Variants in CNOT6 observed in about 807,000 individuals in gnomAD.
The protein encoded by CNOT6 is CCR4-NOT transcription complex subunit 6.
Under a neutral mutation model 61.2 loss-of-function variants are expected in CNOT6, and 12 were observed. The ratio of observed to expected loss-of-function variants is 0.20; its 90% confidence interval spans 0.13 to 0.32. The LOEUF (loss-of-function observed/expected upper bound fraction) is 0.32, where lower values mean the gene tolerates loss of function less well. CNOT6 is among the 10% of genes least tolerant of loss of function. The pLI, the probability that CNOT6 is intolerant of heterozygous loss-of-function variation, is 1.00. For missense variants in CNOT6, 405 were observed against 663.9 expected (o/e 0.61, Z 4.28); for synonymous variants, 225 against 240.6 (o/e 0.94, Z 0.60).
intron 2 of CNOT6, among the ~76,000 whole-genome samples, chr5:180,542,145 C>G (rs1759080194): frequency 1.3e-5 from 2 of 152,128 alleles, no homozygotes; most frequent in African/African-American, 4.8e-5. Flanking sequence ...CTCTTTTAAG[C>G]AGTGTGATAA....
At chr5:180,500,011 A>G (rs1355902737) in intron 1 of CNOT6, among the ~76,000 whole-genome samples, 1 of 152,224 alleles carries the variant, frequency 6.6e-6, no homozygotes, top group South Asian at 2.1e-4. Flanking sequence ...AGAATAGCAC[A>G]TAAATAAACA....
intron 1 of CNOT6, among the ~76,000 whole-genome samples, chr5:180,526,492 C>G (rs1387908346): frequency 2.6e-5 from 4 of 152,152 alleles, no homozygotes; most frequent in Admixed American, 6.5e-5. Flanking sequence ...TTCTGTTTCA[C>G]TGCGAAAGTC....
chr5:180,506,204 T>G (rs1757126237), intron 1 of CNOT6, among the ~76,000 whole-genome samples: 1 of 152,196 alleles, frequency 6.6e-6, no homozygotes, highest in South Asian at 2.1e-4. Flanking sequence ...GGGTCTCAGT[T>G]TCGTCTTCTA....
At chr5:180,505,382 A>C (rs1298650184) in intron 1 of CNOT6, among the ~76,000 whole-genome samples, 1,211 of 111,606 alleles carry the variant, frequency 0.011, 11 homozygotes, top group African/African-American at 0.039. Context: ...CAGCCTCCCG[A>C]GTAGCTGGGA....
chr5:180,559,350 A>C (rs1240014790), intron 4 of CNOT6, among the ~76,000 whole-genome samples: 4 of 152,226 alleles, frequency 2.6e-5, no homozygotes, highest in African/African-American at 7.2e-5. Context: ...CTTTATTATT[A>C]CATAATGTTA....
chr5:180,533,262 A>T (rs1758480049), intron 2 of CNOT6, among the ~76,000 whole-genome samples: 1 of 149,916 alleles, frequency 6.7e-6, no homozygotes, highest in African/African-American at 2.5e-5. Context: ...GCACTCTAAC[A>T]TTATAACAAA....
chr5:180,535,682 T>G (rs1382304364), intron 2 of CNOT6, among the ~76,000 whole-genome samples: 2 of 152,234 alleles, frequency 1.3e-5, no homozygotes, highest in Admixed American at 6.5e-5. Context: ...GTAGTGGGAC[T>G]GCTGGATAGA....
At chr5:180,537,173 G>A (rs1758739670) in intron 2 of CNOT6, among the ~76,000 whole-genome samples, 1 of 152,204 alleles carries the variant, frequency 6.6e-6, no homozygotes, top group Non-Finnish European at 1.5e-5. Context: ...TACCAACGAG[G>A]CATGATTGCT....
chr5:180,564,350 AAAC>A (rs1474648958), intron 4 of CNOT6, 136 bp from the exon 5 acceptor site: 6 of 647,808 alleles, frequency 9.3e-6, no homozygotes, highest in Admixed American at 5.8e-5. Flanking sequence ...GAAACTGAAA[AAAC>A]AATATTTTCT....
At chr5:180,547,659 T>C (rs1322311240) in intron 2 of CNOT6, among the ~76,000 whole-genome samples, 2 of 152,244 alleles carry the variant, frequency 1.3e-5, no homozygotes, top group Non-Finnish European at 2.9e-5. Flanking sequence ...ATTTTCTCTT[T>C]TAAGCCATTT....
chr5:180,527,696 A>G (rs1235732082), intron 1 of CNOT6, among the ~76,000 whole-genome samples: 1 of 152,114 alleles, frequency 6.6e-6, no homozygotes, highest in Non-Finnish European at 1.5e-5. Flanking sequence ...GGAAGCACGT[A>G]ATGTCTGGTT....
chr5:180,540,463 C>T (rs921357653), intron 2 of CNOT6, among the ~76,000 whole-genome samples: 1 of 152,110 alleles, frequency 6.6e-6, no homozygotes, highest in African/African-American at 2.4e-5. Flanking sequence ...GTCATGCATT[C>T]AGTAGAGACC....
rs377695608 is a variant in CNOT6, at chr5:180,531,539, G to A, written c.112+2151G>A. 4.5e-4 allele frequency among the ~76,000 whole-genome samples: 65 copies of A among 145,940 alleles called. No individual in the cohort carries two copies. In the East Asian group the frequency reaches 0.011, roughly 25 times the overall value. On this transcript the variant is annotated intron_variant, in intron 2 of 11. Coordinates refer to ENST00000261951, the MANE Select transcript of CNOT6 (RefSeq NM_001370472.1). ...CTGAGGGGCTCCTCACATCCCAGAC[G>A]ATGGGCGGCCAGGCAGAGACGCTCC...
At chr5:180,552,643 CT>C (rs1759679974) in intron 3 of CNOT6, among the ~76,000 whole-genome samples, 1 of 110,226 alleles carries the variant, frequency 9.1e-6, no homozygotes, top group Admixed American at 8.9e-5. Flanking sequence ...GAGACTCCGT[CT>C]CAAAAAAAAA....
intron 2 of CNOT6, among the ~76,000 whole-genome samples, chr5:180,547,331 C>T (rs1014135582): frequency 2.0e-5 from 3 of 151,996 alleles, no homozygotes; most frequent in Admixed American, 1.3e-4. Flanking sequence ...ACCAGCCTGG[C>T]CAACATGGTG....
chr5:180,545,164 AAGTTT>A (rs1759251506), intron 2 of CNOT6, among the ~76,000 whole-genome samples: 1 of 152,182 alleles, frequency 6.6e-6, no homozygotes, highest in Non-Finnish European at 1.5e-5. Flanking sequence ...AGTTTTACTG[AAGTTT>A]AGTTGACATT....
chr5:180,564,383 GTAAC>G, intron 4 of CNOT6, 102 bp from the exon 5 acceptor site: 1 of 736,802 alleles, frequency 1.4e-6, no homozygotes, highest in Non-Finnish European at 2.3e-6. Flanking sequence ...CATCTTACTA[GTAAC>G]TATAACATAG....
intron 1 of CNOT6, among the ~76,000 whole-genome samples, chr5:180,500,918 G>A (rs545556264): frequency 6.6e-6 from 1 of 152,094 alleles, no homozygotes; most frequent in South Asian, 2.1e-4. Context: ...TCTTTAAGCT[G>A]GATTTTAAAG....
chr5:180,535,177 G>A (rs1367376344), intron 2 of CNOT6, among the ~76,000 whole-genome samples: 1 of 152,290 alleles, frequency 6.6e-6, no homozygotes, highest in Non-Finnish European at 1.5e-5. Flanking sequence ...CTAGGAAGGG[G>A]GCGTCTGGGG....
Sources: allele counts gnomAD v4.1 joint callset (sites outside exome capture counted in the v4.1 genomes callset), GRCh38; gene constraint gnomAD v4.1.1; transcripts MANE v1.5; gene names NCBI Gene and HGNC (gene_info 2026-07-23, HGNC 2026-07-21).